Variants in DOP1B observed in about 807,000 individuals in gnomAD.
DOP1B encodes the protein DOP1 leucine zipper like protein B, also known as protein DOP1B.
Under a neutral mutation model 233.5 loss-of-function variants are expected in DOP1B, and 174 were observed. That is an observed-to-expected ratio of 0.75 (90% confidence interval 0.66 to 0.85). The LOEUF (loss-of-function observed/expected upper bound fraction) is 0.85. Among genes scored for constraint, DOP1B ranks in the 40% least tolerant of loss-of-function variants. DOP1B has a pLI of 0.00. For synonymous variants in DOP1B, 1,190 were observed against 1,185.6 expected (o/e 1.00, Z -0.08); for missense variants, 2,652 against 2,846.6 (o/e 0.93, Z 1.56).
chr21:36,218,390 G>A (rs982541906), intron 9 of DOP1B, among the ~76,000 whole-genome samples: 2 of 152,076 alleles, frequency 1.3e-5, no homozygotes, highest in Non-Finnish European at 2.9e-5. Context: ...GGGCGTGGTG[G>A]CACACACCTG....
chr21:36,257,403 T>C (rs2123622876), intron 23 of DOP1B, among the ~76,000 whole-genome samples: 1 of 152,308 alleles, frequency 6.6e-6, no homozygotes, highest in Non-Finnish European at 1.5e-5. Flanking sequence ...GGCCTGCCTG[T>C]TCAGATTCTT....
chr21:36,292,305 A>G lies in DOP1B; in HGVS notation c.6645+72A>G, dbSNP rs572366174. 17 of 1,295,064 alleles carry G rather than the reference A, an allele frequency of 1.3e-5. No homozygotes were observed. In the South Asian group the frequency reaches 2.5e-4, roughly 19 times the overall value. 80.2% of individuals were successfully genotyped at this position (1,295,064 alleles called of 1,614,324 possible). On this transcript the variant is annotated intron_variant, in intron 36 of 36. Transcript: ENST00000691173. Reference sequence around the variant, plus strand: ...AGAGTTTCACTCGGCCACCCAGGTTAGAGTGCAGTGGTGCGGTCTTCGCTT... The same window carrying G: ...AGAGTTTCACTCGGCCACCCAGGTTGGAGTGCAGTGGTGCGGTCTTCGCTT...
At chr21:36,165,647 C>A (rs937022726) in intron 2 of DOP1B, among the ~76,000 whole-genome samples, 1 of 151,880 alleles carries the variant, frequency 6.6e-6, no homozygotes, top group African/African-American at 2.4e-5. Context: ...GCACTGGGTT[C>A]TCACTGGAGC....
chr21:36,250,236 A>T (rs1444469920), intron 21 of DOP1B, among the ~76,000 whole-genome samples: 1 of 152,222 alleles, frequency 6.6e-6, no homozygotes, highest in Non-Finnish European at 1.5e-5. Flanking sequence ...AGTTGTATCT[A>T]ATGTGAAATA....
In DOP1B at chr21:36,277,890, C is replaced by G. The variant is rs1169985288; in HGVS notation, c.5713-85C>G. 2.8e-6 allele frequency: 3 copies of G among 1,087,440 alleles called. No homozygotes were observed. The Admixed American group carries it at 5.3e-5, about 19-fold the overall frequency. 67.4% of individuals were successfully genotyped at this position (1,087,440 alleles called of 1,614,324 possible). On this transcript the variant is annotated intron_variant, in intron 28 of 36. Coordinates refer to ENST00000691173, the MANE Select transcript of DOP1B (RefSeq NM_001320714.2). ...CTCCCAGCCTCAAGTGATCCGCCCT[C>G]CTCAGCCTCCCGAAGTGCTGGGATT...
At chr21:36,201,338 T>C (rs1757850816) in intron 4 of DOP1B, among the ~76,000 whole-genome samples, 1 of 135,116 alleles carries the variant, frequency 7.4e-6, no homozygotes, top group African/African-American at 3.0e-5. Flanking sequence ...ACTGTATCTA[T>C]TGGATTCTTT....
At chr21:36,255,769 G>T (rs2067088948) in intron 23 of DOP1B, among the ~76,000 whole-genome samples, 1 of 151,190 alleles carries the variant, frequency 6.6e-6, no homozygotes, top group African/African-American at 2.4e-5. Flanking sequence ...AAATGTCAGA[G>T]AACATAACTA....
intron 2 of DOP1B, among the ~76,000 whole-genome samples, chr21:36,183,760 T>G (rs1397008246): frequency 6.6e-6 from 1 of 152,178 alleles, no homozygotes; most frequent in African/African-American, 2.4e-5. Context: ...CGGGACAGAG[T>G]TGTATAGCTG....
Position 36,246,684 on chromosome 21 carries a change from T to G in DOP1B, c.4697+7T>G, listed in dbSNP as rs754106786. The G allele has an allele frequency of 6.2e-7, 1 of 1,600,300 alleles. No individual in the cohort carries two copies. The highest frequency in any genetic ancestry group is 2.2e-5 in the East Asian group (1 of 44,516). ...CTGTGAAGCTCTCTGTCAGGTGCGT[T>G]ACGCTCCTTGTGACATCTTTATTGC... On this transcript the variant is annotated splice_region_variant and intron_variant, in intron 19 of 36. Transcript: ENST00000691173. The surrounding 1 kb of genome is among the most constrained non-coding windows in gnomAD (Gnocchi z 5.1).
intron 24 of DOP1B, among the ~76,000 whole-genome samples, chr21:36,262,982 C>A (rs1350902818): frequency 1.3e-5 from 2 of 151,810 alleles, no homozygotes; most frequent in Non-Finnish European, 2.9e-5. Context: ...CGCCTGTAAT[C>A]CCAGCACTTT....
At chr21:36,247,666 A>G (rs762103773) in intron 20 of DOP1B, 38 bp downstream of exon 20, 1 of 1,452,294 alleles carries the variant, frequency 6.9e-7, no homozygotes, top group Non-Finnish European at 9.5e-7. Flanking sequence ...GGCAATTTTC[A>G]TGTATTGTTT....
At position 36,230,670 on chromosome 21, in the gene DOP1B, G is replaced by T; in HGVS notation, c.1886G>T (p.Cys629Phe). 1.9e-6 allele frequency: 3 copies of T among 1,614,188 alleles called. No individual in the cohort carries two copies. Among genetic ancestry groups the T allele is most frequent in the South Asian group, 1.1e-5 (1 of 91,086 alleles). ...GGGAGCATGCAGAGGACGTTTCTTT[G>T]CATCCAAGAGCTAATCGCCAACTTT... Reference protein sequence around the residue: ...KGGSMQRTFLCIQELIANFAS... With the variant: ...KGGSMQRTFLFIQELIANFAS... Residue 629 changes from cysteine to phenylalanine, a missense_variant, in exon 14 of 37, where the codon TGC (cysteine) becomes TTC (phenylalanine). Cys to Phe is a radical substitution (Grantham distance 205, BLOSUM62 -2). Transcript: ENST00000691173.
At chr21:36,251,916 A>AT (rs901437213) in intron 22 of DOP1B, among the ~76,000 whole-genome samples, 4 of 152,248 alleles carry the variant, frequency 2.6e-5, no homozygotes, top group Non-Finnish European at 5.9e-5. Context: ...TTTTTAAAGA[A>AT]TAAAAATGGC....
At chr21:36,252,594 A>C (rs1601451447) in intron 22 of DOP1B, among the ~76,000 whole-genome samples, 1 of 151,440 alleles carries the variant, frequency 6.6e-6, no homozygotes. Flanking sequence ...GCTCACTGCA[A>C]CCTCTGCCTC....
At chr21:36,280,493 G>A in intron 31 of DOP1B, 147 bp downstream of exon 31, 2 of 516,774 alleles carry the variant, frequency 3.9e-6, no homozygotes, top group Non-Finnish European at 6.7e-6. Flanking sequence ...TCATAATATG[G>A]CAGGACTAAA....
intron 2 of DOP1B, among the ~76,000 whole-genome samples, chr21:36,165,210 G>A (rs147169971): frequency 5.5e-4 from 84 of 152,248 alleles, no homozygotes; most frequent in African/African-American, 1.9e-3. Context: ...TCTTAACAAT[G>A]TTAATGTCTA....
At chr21:36,253,269 T>C (rs117658125) in intron 22 of DOP1B, among the ~76,000 whole-genome samples, 3 of 152,356 alleles carry the variant, frequency 2.0e-5, no homozygotes, top group Non-Finnish European at 2.9e-5. Flanking sequence ...ATTTAGTATA[T>C]TTGTTTCTAA....
In DOP1B at chr21:36,231,011, A is replaced by G. The variant is rs754058749; in HGVS notation, c.2227A>G (p.Arg743Gly). The change falls in exon 14 of 37, where the codon AGG (arginine) becomes GGG (glycine). Residue 743 changes from arginine (R) to glycine (G), a missense_variant. Around this residue, in one of 3 missense-constraint regions of DOP1B, gnomAD observed 2,617 missense variants for 2,794.3 expected, o/e 0.94. Coordinates refer to ENST00000691173, the MANE Select transcript of DOP1B (RefSeq NM_001320714.2). The part of the protein sequence containing the change: ...EKVVIDLGGS[R>G]EERREAFAAA... ...GGTGGTCATTGACCTGGGGGGTTCC[A>G]GGGAGGAACGCAGGGAGGCCTTTGC... is the stretch of plus-strand genomic sequence containing the variant. 1.9e-6 allele frequency: 3 copies of G among 1,614,192 alleles called. No individual in the cohort carries two copies. The highest frequency in any genetic ancestry group is 1.1e-5 in the South Asian group (1 of 91,084).
chr21:36,231,147 C>T lies in DOP1B; in HGVS notation c.2350+13C>T. The T allele has an allele frequency of 6.4e-7, 1 of 1,561,938 alleles. No homozygotes were observed. Among genetic ancestry groups the T allele is most frequent in the Non-Finnish European group, 8.7e-7 (1 of 1,151,220 alleles). On this transcript the variant is annotated intron_variant, in intron 14 of 36. Transcript: ENST00000691173. ...TTCCAGCTGCCAGGTGAGAGGCAGC[C>T]CTGCCGAAGTCCCTCTTTGGGAATC...
Sources: allele counts gnomAD v4.1 joint callset (sites outside exome capture counted in the v4.1 genomes callset), GRCh38; gene constraint gnomAD v4.1.1; regional missense constraint gnomAD v4.1.1; non-coding constraint Gnocchi (gnomAD v3.1); transcripts MANE v1.5; gene names NCBI Gene and HGNC (gene_info 2026-07-23, HGNC 2026-07-21).